The following DDAH1 variants were observed in gnomAD, a reference collection of about 807,000 sequenced individuals.
DDAH1 encodes the protein dimethylarginine dimethylaminohydrolase 1.
In DDAH1, 19 loss-of-function variants were observed where a neutral mutation model predicts 28.8. That is an observed-to-expected ratio of 0.66 (90% CI 0.46 to 0.97). The LOEUF (loss-of-function observed/expected upper bound fraction) is 0.97, where lower values mean the gene tolerates loss of function less well. Among genes scored for constraint, DDAH1 ranks in the 50% least tolerant of loss-of-function variants. The pLI, the probability that DDAH1 is intolerant of heterozygous loss-of-function variation, is 0.00. For missense variants in DDAH1, 326 were observed against 375.9 expected (o/e 0.87, Z 1.10); for synonymous variants, 153 against 154.4 (o/e 0.99, Z 0.07).
Position 85,509,620 on chromosome 1 carries a change from T to A in DDAH1, c.-122-13339A>T, listed in dbSNP as rs140752744. Among the ~76,000 whole-genome samples the A allele has an allele frequency of 5.5e-4, 83 of 152,176 alleles. 1 individual carries two copies. Among genetic ancestry groups the A allele is most frequent in the African/African-American group, 1.6e-3 (68 of 41,520 alleles). ...AGATTAGACAAATGGCTAACTAGAA[T>A]AAACAATGTAGAGAAGACCTTAAAT... On this transcript the variant is annotated intron_variant, in intron 1 of 6. Transcript: ENST00000426972.
intron 1 of DDAH1, among the ~76,000 whole-genome samples, chr1:85,424,790 T>C (rs114398162): frequency 6.6e-6 from 1 of 152,050 alleles, no homozygotes; most frequent in Non-Finnish European, 1.5e-5. Context: ...CCAATGAGTA[T>C]ATATTTATTA....
At chr1:85,413,720 C>T (rs1047829336) in intron 1 of DDAH1, among the ~76,000 whole-genome samples, 9 of 152,182 alleles carry the variant, frequency 5.9e-5, no homozygotes, top group African/African-American at 1.7e-4. Context: ...GAAAAACAAT[C>T]GAAGTCAAGC....
chr1:85,338,324 A>G (rs115879679), intron 4 of DDAH1, among the ~76,000 whole-genome samples: 1,724 of 152,284 alleles, frequency 0.011, 21 homozygotes, highest in Non-Finnish European at 0.018. Flanking sequence ...CTAAAAAGAC[A>G]GCATTTTAGA....
chr1:85,424,167 T>C (rs2100619853), intron 1 of DDAH1, among the ~76,000 whole-genome samples: 1 of 152,314 alleles, frequency 6.6e-6, no homozygotes, highest in South Asian at 2.1e-4. Context: ...TATTGGCCTA[T>C]AGGCCTTTCT....
intron 1 of DDAH1, among the ~76,000 whole-genome samples, chr1:85,437,657 T>C (rs899690946): frequency 1.2e-4 from 19 of 152,244 alleles, no homozygotes; most frequent in African/African-American, 4.6e-4. Flanking sequence ...CAGGCAACAG[T>C]AGGCTATTTG....
intron 2 of DDAH1, among the ~76,000 whole-genome samples, chr1:85,355,688 C>A (rs950142216): frequency 6.6e-6 from 1 of 152,094 alleles, no homozygotes; most frequent in African/African-American, 2.4e-5. Context: ...TCCCAGGAGA[C>A]ACACACAAGA....
chr1:85,547,680 C>A (rs1267811176), intron 1 of DDAH1, among the ~76,000 whole-genome samples: 1 of 152,162 alleles, frequency 6.6e-6, no homozygotes, highest in Non-Finnish European at 1.5e-5. Flanking sequence ...TACTCAAATA[C>A]TGGGCACAAG....
intron 1 of DDAH1, among the ~76,000 whole-genome samples, chr1:85,571,785 AGCTTT>A: frequency 7.4e-6 from 1 of 135,344 alleles, no homozygotes; most frequent in East Asian, 2.2e-4. Context: ...ACTGTTTATA[AGCTTT>A]TTTTTTTTTT....
At position 85,562,588 on chromosome 1, in the gene DDAH1, A is replaced by C. The variant is rs1042019964; in HGVS notation, c.-123+15396T>G. Among the ~76,000 whole-genome samples, 9 of 152,338 alleles carry C rather than the reference A, an allele frequency of 5.9e-5. No homozygotes were observed. In the South Asian group the frequency reaches 1.9e-3, roughly 32 times the overall value. On this transcript the variant is annotated intron_variant, in intron 1 of 6. Coordinates refer to the DDAH1 transcript ENST00000426972. ...ACTGGTACCCTTCCATAGAAAGAGG[A>C]AATTTGATCACAGAGACACAGGCAC...
chr1:85,462,808 A>G (rs1655185665), intron 1 of DDAH1, among the ~76,000 whole-genome samples: 1 of 152,232 alleles, frequency 6.6e-6, no homozygotes, highest in Non-Finnish European at 1.5e-5. Context: ...AAAGGCAGGC[A>G]CCAGCAGGAG....
chr1:85,466,573 G>C (rs1034048290), upstream of DDAH1, among the ~76,000 whole-genome samples: 1 of 152,098 alleles, frequency 6.6e-6, no homozygotes, highest in African/African-American at 2.4e-5. Context: ...CTCAAGGACA[G>C]CTCTGACACT....
intron 1 of DDAH1, among the ~76,000 whole-genome samples, chr1:85,546,837 C>A (rs1658642430): frequency 1.3e-5 from 2 of 152,012 alleles, no homozygotes; most frequent in South Asian, 2.1e-4. Context: ...AATAAATAAA[C>A]AAAGAAGAAA....
At chr1:85,506,456 G>C (rs1303540633) in intron 1 of DDAH1, among the ~76,000 whole-genome samples, 2 of 152,076 alleles carry the variant, frequency 1.3e-5, no homozygotes, top group Non-Finnish European at 2.9e-5. Flanking sequence ...TGACTTAATG[G>C]AAACAAAGAT....
chr1:85,567,405 A>G lies in DDAH1; in HGVS notation c.-123+10579T>C, dbSNP rs114005699. Among the ~76,000 whole-genome samples the G allele has an allele frequency of 1.2e-3, 179 of 152,296 alleles. 1 individual carries two copies. The highest frequency in any genetic ancestry group is 2.7e-3 in the African/African-American group (114 of 41,574). On this transcript the variant is annotated intron_variant, in intron 1 of 6. Coordinates refer to the DDAH1 transcript ENST00000426972. ...TATTCTCATGATAGTGATAGGTCTC[A>G]CAAGATCCAATGGTTTTAAAAATGG...
intron 1 of DDAH1, among the ~76,000 whole-genome samples, chr1:85,512,875 T>C (rs548722387): frequency 1.3e-5 from 2 of 152,284 alleles, no homozygotes; most frequent in East Asian, 3.9e-4. Flanking sequence ...GGAAGAGTAT[T>C]CCATGATCAT....
At chr1:85,434,288 T>G (rs1451755238) in intron 1 of DDAH1, among the ~76,000 whole-genome samples, 1 of 152,220 alleles carries the variant, frequency 6.6e-6, no homozygotes, top group Non-Finnish European at 1.5e-5. Flanking sequence ...CCCCATTGAC[T>G]TGTGATGCCT....
At chr1:85,393,255 GA>G (rs1651649172) in intron 1 of DDAH1, among the ~76,000 whole-genome samples, 1 of 152,166 alleles carries the variant, frequency 6.6e-6, no homozygotes, top group South Asian at 2.1e-4. Context: ...CTAGTGTACA[GA>G]TCAGGAGACT....
chr1:85,483,133 G>A (rs1304598044), intron 2 of DDAH1, among the ~76,000 whole-genome samples: 1 of 149,216 alleles, frequency 6.7e-6, no homozygotes, highest in East Asian at 2.0e-4. Flanking sequence ...AAAACCGCTT[G>A]AACCTGGGAG....
Position 85,465,153 on chromosome 1 carries a change from T to C in DDAH1, c.-108A>G, listed in dbSNP as rs909536264. The C allele has an allele frequency of 3.5e-6, 4 of 1,156,528 alleles. No individual in the cohort carries two copies. In the African/African-American group the frequency reaches 6.5e-5, roughly 19 times the overall value. 71.6% of individuals were successfully genotyped at this position (1,156,528 alleles called of 1,614,324 possible). ...CCCGTCGGCTCCTCTTGGCAGCCGC[T>C]GAATGTGGTGCAGAAGGAGCCCAGC... On this transcript the variant is annotated 5_prime_UTR_variant, in exon 1 of 6. Coordinates refer to ENST00000284031, the MANE Select transcript of DDAH1 (RefSeq NM_012137.4).
Sources: gnomAD v4.1 joint callset for allele counts (sites outside exome capture counted in the v4.1 genomes callset) on GRCh38, gnomAD v4.1.1 for gene constraint, MANE v1.5 for transcripts, NCBI Gene and HGNC (gene_info 2026-07-23, HGNC 2026-07-21) for gene names.